The following CCDC63 variants were observed in gnomAD, a reference collection of about 807,000 sequenced individuals.
CCDC63 encodes the protein coiled-coil domain containing 63, also known as coiled-coil domain-containing protein 63.
Under a neutral mutation model 63.6 loss-of-function variants are expected in CCDC63, and 54 were observed. That is an observed-to-expected ratio of 0.85 (90% confidence interval 0.68 to 1.07). The LOEUF (loss-of-function observed/expected upper bound fraction) is 1.07, where lower values mean the gene tolerates loss of function less well. Ranked by LOEUF, CCDC63 falls within the 50% of genes least tolerant of loss-of-function variation. The pLI, the probability that CCDC63 is intolerant of heterozygous loss-of-function variation, is 0.00. For missense variants in CCDC63, 637 were observed against 689.6 expected (o/e 0.92, Z 0.86); for synonymous variants, 253 against 266.1 (o/e 0.95, Z 0.48).
chr12:110,866,680 T>C (rs1316615494), intron 4 of CCDC63, among the ~76,000 whole-genome samples: 1 of 151,366 alleles, frequency 6.6e-6, no homozygotes, highest in Middle Eastern at 3.4e-3. Context: ...GAATTTTTCT[T>C]AGTGCAGAAC....
At chr12:110,888,542 C>T (rs1466780848) in intron 8 of CCDC63, among the ~76,000 whole-genome samples, 2 of 152,156 alleles carry the variant, frequency 1.3e-5, no homozygotes, top group African/African-American at 2.4e-5. Context: ...AGAACTATGA[C>T]TTTTTGGGCT....
intron 8 of CCDC63, among the ~76,000 whole-genome samples, chr12:110,891,087 T>C (rs1199937111): frequency 1.3e-5 from 2 of 152,142 alleles, no homozygotes; most frequent in Non-Finnish European, 2.9e-5. Flanking sequence ...CCTGCTGTGT[T>C]TTTTTAATGG....
intron 4 of CCDC63, among the ~76,000 whole-genome samples, chr12:110,859,163 G>T (rs2070818539): frequency 6.6e-6 from 1 of 152,172 alleles, no homozygotes; most frequent in Non-Finnish European, 1.5e-5. Context: ...TTGTGGGTTG[G>T]CTAAGAGCCC....
At chr12:110,867,791 G>C (rs1450901679) in intron 4 of CCDC63, among the ~76,000 whole-genome samples, 2 of 146,444 alleles carry the variant, frequency 1.4e-5, no homozygotes, top group East Asian at 2.0e-4. Flanking sequence ...GTGGCTGGCC[G>C]GGCTGAGGGG....
At position 110,861,135 on chromosome 12, in the gene CCDC63, G is replaced by A. The variant is rs752175642; in HGVS notation, c.369+2360G>A. 3.2e-4 allele frequency among the ~76,000 whole-genome samples: 48 copies of A among 152,132 alleles called. 1 individual carries two copies. The highest frequency in any genetic ancestry group is 2.1e-3 in the South Asian group (10 of 4,814). Reference sequence around the variant, plus strand: ...CTATCGCCAAGACAATACCAAGGGGGATGGTGCCAAACCATTCATGAAAAA... The same window carrying A: ...CTATCGCCAAGACAATACCAAGGGGAATGGTGCCAAACCATTCATGAAAAA... On this transcript the variant is annotated intron_variant, in intron 4 of 11. Coordinates refer to ENST00000308208, the MANE Select transcript of CCDC63 (RefSeq NM_152591.3).
At chr12:110,904,980 T>G (rs1047276752) in intron 11 of CCDC63, among the ~76,000 whole-genome samples, 189 bp downstream of exon 11, 4 of 152,106 alleles carry the variant, frequency 2.6e-5, no homozygotes, top group Non-Finnish European at 4.4e-5. Context: ...GTCACTTGCT[T>G]GGGGACTTTT....
chr12:110,860,469 G>A (rs977525354), intron 4 of CCDC63, among the ~76,000 whole-genome samples: 10 of 152,166 alleles, frequency 6.6e-5, no homozygotes, highest in African/African-American at 1.7e-4. Context: ...CCGCAACCCC[G>A]TGCCTGTCCC....
chr12:110,845,307 T>C (rs1450651685), upstream of CCDC63, among the ~76,000 whole-genome samples: 2 of 152,142 alleles, frequency 1.3e-5, no homozygotes, highest in African/African-American at 2.4e-5. Flanking sequence ...CCTTTAAATA[T>C]CAGAGATGGG....
At chr12:110,866,721 T>G (rs1440130379) in intron 4 of CCDC63, among the ~76,000 whole-genome samples, 3 of 149,682 alleles carry the variant, frequency 2.0e-5, no homozygotes, top group Non-Finnish European at 4.5e-5. Context: ...TCTACTTCTT[T>G]CTACACAGAC....
intron 1 of CCDC63, among the ~76,000 whole-genome samples, chr12:110,850,540 G>T (rs1451192866): frequency 6.6e-6 from 1 of 152,142 alleles, no homozygotes; most frequent in South Asian, 2.1e-4. Context: ...TCATAAATTC[G>T]AGACCAGCCT....
intron 8 of CCDC63, among the ~76,000 whole-genome samples, chr12:110,891,839 G>A (rs866447131): frequency 5.9e-5 from 9 of 152,054 alleles, no homozygotes; most frequent in Middle Eastern, 3.2e-3. Context: ...CCAACTGGGG[G>A]CCACTATAAA....
chr12:110,884,485 TC>T (rs1018542775), intron 8 of CCDC63, among the ~76,000 whole-genome samples: 1 of 152,160 alleles, frequency 6.6e-6, no homozygotes, highest in Non-Finnish European at 1.5e-5. Flanking sequence ...GCTGAAATGA[TC>T]CTTGCATCTC....
intron 10 of CCDC63, among the ~76,000 whole-genome samples, chr12:110,902,791 C>T (rs886548073): frequency 2.0e-5 from 3 of 152,072 alleles, no homozygotes; most frequent in Admixed American, 2.0e-4. Context: ...AATCTTGGCT[C>T]ACTGCAACCT....
intron 4 of CCDC63, among the ~76,000 whole-genome samples, chr12:110,863,195 G>A (rs1009422259): frequency 4.6e-5 from 7 of 152,088 alleles, no homozygotes; most frequent in Admixed American, 2.0e-4. Flanking sequence ...AAAGTAGAGC[G>A]GGGGCCTGAC....
chr12:110,861,890 G>T (rs1593647424), intron 4 of CCDC63, among the ~76,000 whole-genome samples: 1 of 151,864 alleles, frequency 6.6e-6, no homozygotes, highest in Non-Finnish European at 1.5e-5. Flanking sequence ...ACTTCTGCTG[G>T]GACATCATCC....
intron 8 of CCDC63, among the ~76,000 whole-genome samples, chr12:110,891,942 C>T (rs1054198956): frequency 9.2e-5 from 14 of 152,134 alleles, no homozygotes; most frequent in Admixed American, 5.9e-4. Flanking sequence ...ATTGGTCGGT[C>T]GAAAGGTGTG....
intron 4 of CCDC63, among the ~76,000 whole-genome samples, chr12:110,865,464 C>CAAAAAAAAAAAAAAAAA (rs10585238): frequency 1.2e-3 from 118 of 101,986 alleles, no homozygotes; most frequent in Middle Eastern, 5.7e-3. Flanking sequence ...CAGCATATAC[C>CAAAAAAAAAAAAAAAAA]AAAAAAAAAA....
Position 110,858,586 on chromosome 12 carries a change from C to A in CCDC63, c.180C>A (p.Tyr60Ter). 1 of 1,606,932 alleles carries A rather than the reference C, an allele frequency of 6.2e-7. No individual in the cohort carries two copies. The highest frequency in any genetic ancestry group is 1.1e-5 in the South Asian group (1 of 90,052). ...FRNQQKIASQ[Y>*]KEIKTLKTEQ... is the part of the protein sequence containing the mutation. ...TAATCATGGGCTGCTTTTCCAACAGCAAGGAGATCAAGACCCTGAAGACAG... is the reference window on the plus strand; with the variant it reads ...TAATCATGGGCTGCTTTTCCAACAGAAAGGAGATCAAGACCCTGAAGACAG... Residue 60 changes from tyrosine (Y) to a stop codon, truncating the protein, a stop_gained and splice_region_variant, in exon 4 of 12, where the codon TAC (tyrosine) becomes TAA (stop). Transcript: ENST00000308208. LOFTEE classifies it high-confidence loss of function.
intron 9 of CCDC63, among the ~76,000 whole-genome samples, chr12:110,897,606 T>A (rs80314346): frequency 0.038 from 5,762 of 152,086 alleles, 378 homozygotes; most frequent in African/African-American, 0.13. Context: ...TGTGCTTTTT[T>A]AAAATATTGA....
Sources: allele counts gnomAD v4.1 joint callset (sites outside exome capture counted in the v4.1 genomes callset), GRCh38; gene constraint gnomAD v4.1.1; transcripts MANE v1.5; gene names NCBI Gene and HGNC (gene_info 2026-07-23, HGNC 2026-07-21).